AK9: variants seen among roughly 807,000 people sequenced by gnomAD.
The protein encoded by AK9 is adenylate kinase 9, also known as adenylate kinase domain containing 1.
AK9 carries 191 observed loss-of-function variants against 239.6 expected under a neutral mutation model. The observed-to-expected ratio is 0.80, with a 90% CI of 0.71 to 0.90. AK9 has a LOEUF of 0.90. Among genes scored for constraint, AK9 ranks in the 40% least tolerant of loss-of-function variants. The pLI, the probability that AK9 is intolerant of heterozygous loss-of-function variation, is 0.00. For missense variants in AK9, 1,995 were observed against 2,214.7 expected, an observed-to-expected ratio of 0.90 and a Z score of 1.99; for synonymous variants, 689 against 721.0, an observed-to-expected ratio of 0.96 and a Z score of 0.71.
chr6:109,636,090 C>T (rs951318401), intron 10 of AK9, among the ~76,000 whole-genome samples: 5 of 152,134 alleles, frequency 3.3e-5, no homozygotes, highest in Non-Finnish European at 7.4e-5. Flanking sequence ...TAGGCTGTAC[C>T]GCTGAATTCA....
intron 20 of AK9, among the ~76,000 whole-genome samples, chr6:109,578,587 G>A (rs1788424943): frequency 1.3e-5 from 2 of 151,806 alleles, no homozygotes; most frequent in Admixed American, 6.6e-5. Flanking sequence ...TTCGGGTTTG[G>A]GTTTGGGTTG....
In AK9 at chr6:109,614,303, T is replaced by C; in HGVS notation, c.1496-7A>G. 6.4e-7 allele frequency: 1 copy of C among 1,550,970 alleles called. No homozygotes were observed. On this transcript the variant is annotated splice_region_variant and splice_polypyrimidine_tract_variant and intron_variant, in intron 14 of 40. Coordinates refer to ENST00000424296, the MANE Select transcript of AK9 (RefSeq NM_001145128.3). ...TGGGAGCCTTGAATGTACCCTGCAA[T>C]GAAAGAATAATATACTTTATCAGCT...
intron 21 of AK9, 132 bp downstream of exon 21, chr6:109,573,310 C>G (rs1438728177): frequency 2.1e-6 from 2 of 975,578 alleles, no homozygotes; most frequent in Middle Eastern, 6.2e-4. Context: ...GACTCAATGG[C>G]TGCTCTCTGG....
At chr6:109,659,075 C>T (rs1201537599) in intron 7 of AK9, among the ~76,000 whole-genome samples, 153 bp downstream of exon 7, 1 of 152,116 alleles carries the variant, frequency 6.6e-6, no homozygotes, top group African/African-American at 2.4e-5. Context: ...TCCTTGAAAA[C>T]ATGAAAGATT....
intron 24 of AK9, among the ~76,000 whole-genome samples, chr6:109,558,877 T>C (rs955596570): frequency 6.6e-6 from 1 of 152,046 alleles, no homozygotes; most frequent in Non-Finnish European, 1.5e-5. Context: ...CTTTTTTTTT[T>C]TTTTGAGATG....
At chr6:109,531,083 G>A (rs1033435017) in intron 28 of AK9, among the ~76,000 whole-genome samples, 1 of 152,134 alleles carries the variant, frequency 6.6e-6, no homozygotes, top group East Asian at 1.9e-4. Context: ...CCAGATACGG[G>A]ATTGCCAAAG....
intron 8 of AK9, among the ~76,000 whole-genome samples, chr6:109,647,081 T>C (rs1023050251): frequency 5.9e-5 from 9 of 152,124 alleles, no homozygotes; most frequent in African/African-American, 2.2e-4. Context: ...CAAGAGCTCC[T>C]GAGGAAACAC....
chr6:109,501,299 A>C (rs1777581240), intron 35 of AK9, among the ~76,000 whole-genome samples: 1 of 152,060 alleles, frequency 6.6e-6, no homozygotes, highest in African/African-American at 2.4e-5. Context: ...TGTACTGGGG[A>C]GGAGGGTGTG....
intron 29 of AK9, among the ~76,000 whole-genome samples, chr6:109,518,823 C>T (rs922274380): frequency 2.0e-5 from 3 of 151,660 alleles, no homozygotes; most frequent in Admixed American, 2.0e-4. Context: ...AAAATTTCAG[C>T]TTTTATTTTA....
At position 109,542,152 on chromosome 6, in the gene AK9, G is replaced by A. The variant is rs773002134; in HGVS notation, c.3245C>T (p.Thr1082Ile). The A allele has an allele frequency of 3.1e-6, 5 of 1,597,730 alleles. No individual in the cohort carries two copies. The highest frequency in any genetic ancestry group is 4.3e-6 in the Non-Finnish European group (5 of 1,174,114). Reference sequence around the variant, plus strand: ...TGATTTGATTACTTCTTCTTCTTCTGTAAGTTGTACTTCTGGAAGCTAAAA... The same window carrying A: ...TGATTTGATTACTTCTTCTTCTTCTATAAGTTGTACTTCTGGAAGCTAAAA... The part of the protein sequence containing the change: ...TKKQLPEVQL[T>I]EEEEVIKSSL... The change falls in exon 27 of 41, where the codon ACA (threonine) becomes ATA (isoleucine). Residue 1082 changes from threonine (T) to isoleucine (I), a missense_variant. This residue lies in a region of AK9 where 1,290 missense variants were observed against 1,392.7 expected (regional missense o/e 0.93). Coordinates refer to ENST00000424296, the MANE Select transcript of AK9 (RefSeq NM_001145128.3).
At chr6:109,613,465 T>C (rs1793810680) in intron 15 of AK9, among the ~76,000 whole-genome samples, 2 of 151,928 alleles carry the variant, frequency 1.3e-5, no homozygotes, top group Admixed American at 1.3e-4. Flanking sequence ...ATGACATGGA[T>C]TTTGTATATT....
intron 24 of AK9, among the ~76,000 whole-genome samples, chr6:109,556,948 A>G (rs557392243): frequency 3.3e-5 from 5 of 151,812 alleles, no homozygotes; most frequent in African/African-American, 1.2e-4. Context: ...AACTCATCTT[A>G]ATTTTTTATT....
At chr6:109,611,737 G>C (rs904872374) in intron 16 of AK9, among the ~76,000 whole-genome samples, 27 of 152,144 alleles carry the variant, frequency 1.8e-4, no homozygotes, top group African/African-American at 6.5e-4. Flanking sequence ...GCCTATTATA[G>C]TAGCTGTGTG....
At chr6:109,563,815 G>T in intron 23 of AK9, 103 bp from the exon 24 acceptor site, 1 of 1,313,024 alleles carries the variant, frequency 7.6e-7, no homozygotes, top group Non-Finnish European at 1.0e-6. Context: ...ATTATTATTA[G>T]TCTCTTAGAT....
chr6:109,631,085 A>C (rs1407655557), intron 12 of AK9, among the ~76,000 whole-genome samples: 1 of 152,114 alleles, frequency 6.6e-6, no homozygotes, highest in African/African-American at 2.4e-5. Flanking sequence ...AAACAATAAA[A>C]CTTTTAGCAG....
chr6:109,609,376 T>C (rs1257023740), intron 17 of AK9, among the ~76,000 whole-genome samples: 2 of 152,220 alleles, frequency 1.3e-5, no homozygotes, highest in Non-Finnish European at 2.9e-5. Flanking sequence ...AACTCAGTTA[T>C]TGGTTTACAT....
chr6:109,624,912 A>G (rs542690233), intron 12 of AK9, among the ~76,000 whole-genome samples: 11 of 152,164 alleles, frequency 7.2e-5, no homozygotes, highest in African/African-American at 2.6e-4. Flanking sequence ...CTAATACCTA[A>G]AAGGTAACTT....
intron 23 of AK9, 62 bp from the exon 24 acceptor site, chr6:109,563,774 C>T (rs1786094082): frequency 2.0e-6 from 3 of 1,464,764 alleles, no homozygotes; most frequent in Non-Finnish European, 2.8e-6. Context: ...TAGCATATTA[C>T]TATAGTCAAA....
chr6:109,517,478 A>C (rs1779393505), intron 29 of AK9, among the ~76,000 whole-genome samples: 1 of 152,230 alleles, frequency 6.6e-6, no homozygotes, highest in Middle Eastern at 3.2e-3. Context: ...CAGTTCAAAG[A>C]GTATAAAACA....
Sources: gnomAD v4.1 joint callset for allele counts (sites outside exome capture counted in the v4.1 genomes callset) on GRCh38, gnomAD v4.1.1 for gene constraint, gnomAD v4.1.1 regional missense constraint, MANE v1.5 for transcripts, NCBI Gene and HGNC (gene_info 2026-07-23, HGNC 2026-07-21) for gene names.